Variants in ARMH4 observed in about 807,000 individuals in gnomAD.
ARMH4 encodes the protein armadillo like helical domain containing 4.
A neutral mutation model predicts 61.9 loss-of-function variants in ARMH4; 49 were observed. The ratio of observed to expected loss-of-function variants is 0.79; its 90% CI spans 0.63 to 1.00. The LOEUF (loss-of-function observed/expected upper bound fraction) is 1.00. Ranked by LOEUF, ARMH4 falls within the 50% of genes least tolerant of loss-of-function variation. ARMH4 has a pLI of 0.00. For missense variants in ARMH4, 934 were observed against 930.0 expected, an observed-to-expected ratio of 1.00 and a Z score of -0.06; for synonymous variants, 368 against 341.5, an observed-to-expected ratio of 1.08 and a Z score of -0.85.
At chr14:58,039,904 G>T (rs1566552196) in intron 5 of ARMH4, among the ~76,000 whole-genome samples, 1 of 152,158 alleles carries the variant, frequency 6.6e-6, no homozygotes, top group African/African-American at 2.4e-5. Context: ...TAATAGGAAA[G>T]TGGGACAAAG....
intron 4 of ARMH4, among the ~76,000 whole-genome samples, chr14:58,113,367 T>C (rs75769775): frequency 1.3e-5 from 2 of 152,218 alleles, no homozygotes; most frequent in Non-Finnish European, 2.9e-5. Context: ...ATTCTACTGG[T>C]GATGATTAGA....
chr14:58,022,743 C>G (rs1479485157), intron 5 of ARMH4, among the ~76,000 whole-genome samples: 1 of 152,162 alleles, frequency 6.6e-6, no homozygotes, highest in Non-Finnish European at 1.5e-5. Flanking sequence ...ATTCAGTCAC[C>G]ATATAGGCAA....
In ARMH4 at chr14:58,030,784, G is replaced by C. The variant is rs1883200487; in HGVS notation, c.2090-18634C>G. On this transcript the variant is annotated intron_variant, in intron 5 of 7. Coordinates refer to ENST00000267485, the MANE Select transcript of ARMH4 (RefSeq NM_001001872.4). The stretch of plus-strand genomic sequence containing the variant: ...CAAGGTTCATCCCTGTCATATTTCA[G>C]AACTAACTTCCTTTTTAAGCATATG... Among the ~76,000 whole-genome samples, 4 of 152,230 alleles carry C rather than the reference G, an allele frequency of 2.6e-5. 1 individual carries two copies. The South Asian group carries it at 8.3e-4, about 32-fold the overall frequency.
intron 5 of ARMH4, among the ~76,000 whole-genome samples, chr14:58,014,711 G>A (rs781427054): frequency 8.5e-5 from 13 of 152,106 alleles, no homozygotes; most frequent in Non-Finnish European, 1.6e-4. Context: ...TCTAAAGTGG[G>A]TCAGCAGAAG....
intron 4 of ARMH4, among the ~76,000 whole-genome samples, chr14:58,116,886 T>C (rs559302760): frequency 3.3e-5 from 5 of 152,310 alleles, no homozygotes; most frequent in East Asian, 3.9e-4. Flanking sequence ...TTATCTTCTA[T>C]AAATCCTGCC....
chr14:58,093,643 C>G (rs1287285221), intron 5 of ARMH4, among the ~76,000 whole-genome samples: 1 of 152,146 alleles, frequency 6.6e-6, no homozygotes, highest in Non-Finnish European at 1.5e-5. Context: ...ACTATTTTAC[C>G]TGACCTCAGA....
Position 58,001,344 on chromosome 14 carries a change from T to G in ARMH4, c.*3392A>C, listed in dbSNP as rs1047529768. ...TATAAGCTTATTGTGAATAATATGC[T>G]TATAAGCATAAGCAATGAACACAGG... On this transcript the variant is annotated 3_prime_UTR_variant, in exon 8 of 8. Transcript: ENST00000267485. 4.6e-5 allele frequency: 7 copies of G among 152,226 alleles called. No individual in the cohort carries two copies. Among genetic ancestry groups the G allele is most frequent in the African/African-American group, 1.7e-4 (7 of 41,460 alleles). The allele number at this position is 152,226 out of a possible 1,614,324, so 9.4% of individuals were successfully genotyped here. A position where few individuals can be genotyped will look rare whatever the true frequency, so the allele number is the denominator to read the frequency against.
chr14:58,115,330 C>A (rs1368911371), intron 4 of ARMH4, among the ~76,000 whole-genome samples: 1 of 152,164 alleles, frequency 6.6e-6, no homozygotes, highest in Non-Finnish European at 1.5e-5. Context: ...AAATGCTCAA[C>A]ATCACTAATC....
rs775147561 is a variant in ARMH4, at chr14:58,020,380, C to G, written c.2090-8230G>C. Among the ~76,000 whole-genome samples the G allele has an allele frequency of 1.2e-4, 19 of 152,246 alleles. No individual in the cohort carries two copies. In the South Asian group the frequency reaches 2.3e-3, roughly 18 times the overall value. ...ACTCCTTTACCTTCTCCTCTCTGTT[C>G]CCTCGGACAAATGTGCTTCTCTTTC... On this transcript the variant is annotated intron_variant, in intron 5 of 7. Transcript: ENST00000267485.
At chr14:58,007,040 A>G (rs565983328) in intron 6 of ARMH4, among the ~76,000 whole-genome samples, 4 of 152,218 alleles carry the variant, frequency 2.6e-5, no homozygotes, top group Admixed American at 1.3e-4. Flanking sequence ...AATACTGAAC[A>G]ACATCAAAGT....
chr14:58,074,515 AC>A (rs1334363237), intron 5 of ARMH4, among the ~76,000 whole-genome samples: 1 of 151,476 alleles, frequency 6.6e-6, no homozygotes, highest in Non-Finnish European at 1.5e-5. Context: ...TTAAGTCTAG[AC>A]AATCAACAAA....
rs567346340 is a variant in ARMH4 at position 58,014,282 on chromosome 14, C to T, written c.2090-2132G>A. Among the ~76,000 whole-genome samples, 6 of 152,160 alleles carry T rather than the reference C, an allele frequency of 3.9e-5. No homozygotes were observed. In the South Asian group the frequency reaches 8.3e-4, roughly 21 times the overall value. Reference sequence around the variant, plus strand: ...TGTCTCAAAGGGATTCAGACAAAGACGGTGGTGATCAATCAGGATAAGAGC... The same window carrying T: ...TGTCTCAAAGGGATTCAGACAAAGATGGTGGTGATCAATCAGGATAAGAGC... On this transcript the variant is annotated intron_variant, in intron 5 of 7. Transcript: ENST00000267485.
At chr14:58,099,908 G>A (rs1396465353) in intron 4 of ARMH4, among the ~76,000 whole-genome samples, 5 of 152,102 alleles carry the variant, frequency 3.3e-5, no homozygotes, top group Admixed American at 6.5e-5. Flanking sequence ...CAACCTCCTC[G>A]TCTGTAAAAC....
chr14:58,134,824 G>A (rs1201514705), intron 2 of ARMH4, among the ~76,000 whole-genome samples: 6 of 151,766 alleles, frequency 4.0e-5, no homozygotes, highest in South Asian at 4.2e-4. Context: ...GGGCATAGTG[G>A]CACATTCCTG....
intron 4 of ARMH4, 117 bp downstream of exon 4, chr14:58,131,395 T>C (rs942309087): frequency 1.0e-5 from 8 of 763,962 alleles, no homozygotes; most frequent in Non-Finnish European, 1.7e-5. Flanking sequence ...TGTAGTTTAC[T>C]GTCCTCTGAT....
chr14:58,113,374 T>C (rs1442853385), intron 4 of ARMH4, among the ~76,000 whole-genome samples: 1 of 152,206 alleles, frequency 6.6e-6, no homozygotes, highest in Non-Finnish European at 1.5e-5. Context: ...TGGTGATGAT[T>C]AGAATCTAGG....
intron 5 of ARMH4, among the ~76,000 whole-genome samples, chr14:58,074,264 A>G (rs968981263): frequency 2.6e-5 from 4 of 152,196 alleles, no homozygotes; most frequent in African/African-American, 9.7e-5. Flanking sequence ...TCTATCTGTA[A>G]CTAACTTATG....
Position 58,034,509 on chromosome 14 carries a change from C to A in ARMH4, c.2090-22359G>T, listed in dbSNP as rs986902945. Among the ~76,000 whole-genome samples, 469 of 125,996 alleles carry A rather than the reference C, an allele frequency of 3.7e-3. 34 individuals carry two copies. Among genetic ancestry groups the A allele is most frequent in the African/African-American group, 0.011 (355 of 33,496 alleles). The allele number at this position is 125,996 out of a possible 152,430, so 82.7% of individuals were successfully genotyped here. ...AACTGCATCAACTAACAAGCAAAAT[C>A]ACCACCTAACATCATAATGACAGGA... is the stretch of plus-strand genomic sequence containing the variant. On this transcript the variant is annotated intron_variant, in intron 5 of 7. Transcript: ENST00000267485.
chr14:58,118,452 G>T (rs1664250406), intron 4 of ARMH4, among the ~76,000 whole-genome samples: 1 of 149,696 alleles, frequency 6.7e-6, no homozygotes, highest in African/African-American at 2.5e-5. Flanking sequence ...ACTACTACTT[G>T]GTGGTGAGCC....
Sources: gnomAD v4.1 joint callset for allele counts (sites outside exome capture counted in the v4.1 genomes callset) on GRCh38, gnomAD v4.1.1 for gene constraint, MANE v1.5 for transcripts, NCBI Gene and HGNC (gene_info 2026-07-23, HGNC 2026-07-21) for gene names.